The following TNKS variants were observed in gnomAD, a reference collection of about 807,000 sequenced individuals.
The protein encoded by TNKS is tankyrase.
Under a neutral mutation model 135.8 loss-of-function variants are expected in TNKS, and 72 were observed. The observed-to-expected ratio is 0.53, with a 90% CI of 0.44 to 0.64. The LOEUF (loss-of-function observed/expected upper bound fraction) is 0.64. Among genes scored for constraint, TNKS ranks in the 30% least tolerant of loss-of-function variants. The probability of loss-of-function intolerance (pLI) is 0.00; values close to 1 mark genes in which losing one functional copy is unlikely to be tolerated. For synonymous variants in TNKS, 849 were observed against 649.3 expected (o/e 1.31, Z -4.68); for missense variants, 1,769 against 1,674.0 (o/e 1.06, Z -0.99).
intron 2 of TNKS, among the ~76,000 whole-genome samples, chr8:9,583,557 C>T (rs773824170): frequency 6.6e-6 from 1 of 151,774 alleles, no homozygotes; most frequent in Non-Finnish European, 1.5e-5. Flanking sequence ...GGCGCGATCT[C>T]TGCTCACTGC....
chr8:9,730,659 TG>T (rs1805391704), intron 13 of TNKS, among the ~76,000 whole-genome samples: 2 of 152,330 alleles, frequency 1.3e-5, no homozygotes, highest in Admixed American at 6.5e-5. Context: ...CGATTTTGGT[TG>T]GGAAATGTTG....
intron 3 of TNKS, among the ~76,000 whole-genome samples, chr8:9,656,217 C>A (rs1264046103): frequency 6.6e-6 from 1 of 152,200 alleles, no homozygotes; most frequent in Non-Finnish European, 1.5e-5. Context: ...CGAACAAAGC[C>A]TCCAAGAAAT....
chr8:9,726,693 T>C lies in TNKS; in HGVS notation c.1974T>C (p.Ser658=). ...TTGATTATCGACTCTTAGAGGCATC[T>C]AAAGCTGGAGACTTGGAAACTGTGA... ...SDVDYRLLEA[S]KAGDLETVKQ... The change falls in exon 13 of 27, where the codon TCT becomes TCC. Residue 658 remains serine, a synonymous_variant. Transcript: ENST00000310430. The C allele has an allele frequency of 6.2e-7, 1 of 1,613,576 alleles. No individual in the cohort carries two copies.
At chr8:9,620,888 G>A (rs929873065) in intron 3 of TNKS, among the ~76,000 whole-genome samples, 9 of 152,126 alleles carry the variant, frequency 5.9e-5, no homozygotes, top group Non-Finnish European at 1.2e-4. Context: ...CATCATAAGG[G>A]TTTGGACTTT....
chr8:9,711,198 CTTTTA>C (rs1804315737), intron 11 of TNKS, among the ~76,000 whole-genome samples: 1 of 152,078 alleles, frequency 6.6e-6, no homozygotes, highest in Non-Finnish European at 1.5e-5. Flanking sequence ...ATTTATAATA[CTTTTA>C]TTTAAGAATA....
chr8:9,650,061 T>A (rs1304177823), intron 3 of TNKS, among the ~76,000 whole-genome samples: 1 of 151,668 alleles, frequency 6.6e-6, no homozygotes, highest in Non-Finnish European at 1.5e-5. Flanking sequence ...CCTGGCTAAT[T>A]TTGTATTTTT....
At chr8:9,773,226 A>T (rs1808040860) in intron 26 of TNKS, among the ~76,000 whole-genome samples, 2 of 152,134 alleles carry the variant, frequency 1.3e-5, no homozygotes, top group African/African-American at 4.8e-5. Context: ...ATGAATAGTC[A>T]TCACTGTCTT....
intron 13 of TNKS, among the ~76,000 whole-genome samples, chr8:9,729,771 CTTTTTTTTTTTT>C (rs763357075): frequency 2.1e-5 from 2 of 95,016 alleles, no homozygotes; most frequent in Non-Finnish European, 3.8e-5. Flanking sequence ...ATATGATATT[CTTTTTTTTTTTT>C]TTTTTTTTTG....
In TNKS at chr8:9,779,256, G is replaced by C. The variant is rs914527541; in HGVS notation, c.*2520G>C. ...GTTAGGACAAGTTTATTACATTTGG[G>C]ATTTTCATCTGTAGCCGTATGAAGA... On this transcript the variant is annotated 3_prime_UTR_variant, in exon 27 of 27. Coordinates refer to ENST00000310430, the MANE Select transcript of TNKS (RefSeq NM_003747.3). 6.6e-6 allele frequency: 1 copy of C among 152,594 alleles called. No individual in the cohort carries two copies. The highest frequency in any genetic ancestry group is 1.5e-5 in the Non-Finnish European group (1 of 68,022). 9.5% of individuals were successfully genotyped at this position (152,594 alleles called of 1,614,324 possible). A position where few individuals can be genotyped will look rare whatever the true frequency, so the allele number is the denominator to read the frequency against.
intron 3 of TNKS, among the ~76,000 whole-genome samples, chr8:9,633,220 C>T (rs950735247): frequency 2.0e-5 from 3 of 151,912 alleles, no homozygotes; most frequent in East Asian, 1.9e-4. Context: ...ATAGGTGATC[C>T]GGAACTGGAT....
At chr8:9,559,087 G>A (rs146705977) in intron 1 of TNKS, among the ~76,000 whole-genome samples, 1 of 152,138 alleles carries the variant, frequency 6.6e-6, no homozygotes, top group Non-Finnish European at 1.5e-5. Context: ...AGATGATCGG[G>A]TGTTAAATAC....
At chr8:9,702,135 A>G (rs1030494794) in intron 5 of TNKS, among the ~76,000 whole-genome samples, 1 of 152,202 alleles carries the variant, frequency 6.6e-6, no homozygotes, top group Non-Finnish European at 1.5e-5. Flanking sequence ...AATTAACCTA[A>G]TATTTGTGTA....
At chr8:9,735,568 A>G in intron 17 of TNKS, 82 bp downstream of exon 17, 1 of 1,090,020 alleles carries the variant, frequency 9.2e-7, no homozygotes, top group Non-Finnish European at 1.4e-6. Context: ...TAGGAGGCCG[A>G]GGAAGGTAGA....
At chr8:9,574,750 C>G (rs1458182286) in intron 1 of TNKS, among the ~76,000 whole-genome samples, 1 of 152,016 alleles carries the variant, frequency 6.6e-6, no homozygotes, top group African/African-American at 2.4e-5. Flanking sequence ...ATTTTTTAGC[C>G]TTTTTTGTTT....
chr8:9,580,564 CACA>C (rs1798127451), intron 2 of TNKS, among the ~76,000 whole-genome samples, 181 bp downstream of exon 2: 1 of 152,264 alleles, frequency 6.6e-6, no homozygotes, highest in African/African-American at 2.4e-5. Flanking sequence ...GGGGAAGACT[CACA>C]ACATTAACTT....
chr8:9,766,705 C>T (rs1248154690), intron 25 of TNKS, among the ~76,000 whole-genome samples: 3 of 152,032 alleles, frequency 2.0e-5, no homozygotes, highest in African/African-American at 4.8e-5. Flanking sequence ...AAGCTGGTCT[C>T]GAACTCCTGA....
intron 20 of TNKS, among the ~76,000 whole-genome samples, chr8:9,758,279 T>C (rs2128831854): frequency 6.6e-6 from 1 of 152,198 alleles, no homozygotes; most frequent in East Asian, 1.9e-4. Flanking sequence ...ATAATGTATA[T>C]TTATATTCAG....
intron 1 of TNKS, among the ~76,000 whole-genome samples, chr8:9,578,340 C>T (rs1328210117): frequency 1.3e-5 from 2 of 152,222 alleles, no homozygotes; most frequent in Non-Finnish European, 1.5e-5. Flanking sequence ...AACCTAACAT[C>T]CGTAAAGTTC....
intron 2 of TNKS, among the ~76,000 whole-genome samples, chr8:9,585,749 C>T (rs114619863): frequency 6.6e-6 from 1 of 152,188 alleles, no homozygotes; most frequent in African/African-American, 2.4e-5. Context: ...TCTATACTTT[C>T]AAACAATTCT....
Sources: gnomAD v4.1 joint callset for allele counts (sites outside exome capture counted in the v4.1 genomes callset) on GRCh38, gnomAD v4.1.1 for gene constraint, MANE v1.5 for transcripts, NCBI Gene and HGNC (gene_info 2026-07-23, HGNC 2026-07-21) for gene names.